Variants in GAPVD1 observed in about 807,000 individuals in gnomAD.
GAPVD1 encodes the protein GTPase activating protein and VPS9 domains 1, also known as GTPase-activating protein and VPS9 domain-containing protein 1.
In GAPVD1, 35 loss-of-function variants were observed where a neutral mutation model predicts 155.5. That is an observed-to-expected ratio of 0.23 (90% confidence interval 0.17 to 0.30). GAPVD1 has a LOEUF of 0.30. GAPVD1 is among the 10% of genes least tolerant of loss of function. The pLI, the probability that GAPVD1 is intolerant of heterozygous loss-of-function variation, is 1.00. For missense variants in GAPVD1, 1,429 were observed against 1,775.7 expected, an observed-to-expected ratio of 0.80 and a Z score of 3.51; for synonymous variants, 636 against 619.7, an observed-to-expected ratio of 1.03 and a Z score of -0.39.
chr9:125,303,418 A>C (rs1486941206), intron 5 of GAPVD1, among the ~76,000 whole-genome samples: 2 of 151,084 alleles, frequency 1.3e-5, no homozygotes, highest in Non-Finnish European at 3.0e-5. Flanking sequence ...ATCGTTTGAC[A>C]TCAGGAATTT....
chr9:125,285,158 A>G (rs989272453), intron 2 of GAPVD1, among the ~76,000 whole-genome samples: 2 of 152,214 alleles, frequency 1.3e-5, no homozygotes, highest in African/African-American at 4.8e-5. Flanking sequence ...CAGCTCTGCC[A>G]TTGTGGCATG....
intron 18 of GAPVD1, 140 bp downstream of exon 18, chr9:125,341,404 G>C (rs1467637986): frequency 1.7e-6 from 1 of 581,184 alleles, no homozygotes; most frequent in Non-Finnish European, 3.1e-6. Flanking sequence ...TGTAGAAAGT[G>C]GTTCCACTCA....
chr9:125,313,566 G>T (rs1387203474), intron 9 of GAPVD1, among the ~76,000 whole-genome samples: 1 of 152,062 alleles, frequency 6.6e-6, no homozygotes, highest in Non-Finnish European at 1.5e-5. Flanking sequence ...GCCTTCCAAA[G>T]TGTTGGGATT....
intron 25 of GAPVD1, among the ~76,000 whole-genome samples, chr9:125,357,301 G>A (rs1191189819): frequency 2.0e-5 from 3 of 152,140 alleles, no homozygotes; most frequent in African/African-American, 4.8e-5. Context: ...ACAGTTGGTC[G>A]GGCTTCATGG....
chr9:125,335,683 CA>C (rs1564422468), intron 15 of GAPVD1, among the ~76,000 whole-genome samples: 1 of 151,536 alleles, frequency 6.6e-6, no homozygotes. Flanking sequence ...CTCAAAAAAG[CA>C]AAAAATGGAC....
intron 1 of GAPVD1, among the ~76,000 whole-genome samples, chr9:125,262,379 C>T (rs1833068968): frequency 6.6e-6 from 1 of 152,164 alleles, no homozygotes; most frequent in Non-Finnish European, 1.5e-5. Context: ...GCTTGACAAG[C>T]TGGACACACG....
intron 2 of GAPVD1, among the ~76,000 whole-genome samples, chr9:125,284,874 T>C (rs528252639): frequency 1.3e-5 from 2 of 152,220 alleles, no homozygotes; most frequent in East Asian, 3.9e-4. Context: ...ACAAGAAAAA[T>C]AGTACAGTAA....
At chr9:125,295,065 A>G (rs915595786) in intron 2 of GAPVD1, among the ~76,000 whole-genome samples, 18 of 151,688 alleles carry the variant, frequency 1.2e-4, no homozygotes, top group Non-Finnish European at 1.3e-4. Flanking sequence ...ACTTTTCTCA[A>G]CTGTCAAATG....
rs1180956086 is a variant in GAPVD1, at chr9:125,348,015, T to TAG, written c.3169+1079_3169+1080dup. ...ACATTTTGCCACGTTCCGCCATATA[T>TAG]AGAGAGTGTGTGTGTGTGTATATAT... On this transcript the variant is annotated intron_variant, in intron 20 of 27. Coordinates refer to ENST00000297933, the MANE Select transcript of GAPVD1 (RefSeq NM_001282680.3). Among the ~76,000 whole-genome samples the TAG allele has an allele frequency of 3.1e-4, 47 of 152,028 alleles. No homozygotes were observed. In the South Asian group the frequency reaches 9.3e-3, roughly 30 times the overall value.
chr9:125,349,079 T>G (rs1279639761), intron 20 of GAPVD1, among the ~76,000 whole-genome samples: 1 of 152,236 alleles, frequency 6.6e-6, no homozygotes, highest in Non-Finnish European at 1.5e-5. Context: ...TCTGGTTCAG[T>G]GATTCTAAGA....
intron 27 of GAPVD1, among the ~76,000 whole-genome samples, chr9:125,362,051 G>A (rs1851005739): frequency 6.6e-6 from 1 of 152,140 alleles, no homozygotes; most frequent in South Asian, 2.1e-4. Flanking sequence ...TAGTTCCTGT[G>A]TAGAGCCAGT....
Position 125,337,460 on chromosome 9 carries a change from C to CCCAGCTGGAACCGGCGTCCAGGAA in GAPVD1, c.2747_2770dup (p.Gly923_Asn924insThrSerTrpAsnArgArgProGly). The CCCAGCTGGAACCGGCGTCCAGGAA allele has an allele frequency of 6.2e-7, 1 of 1,614,100 alleles. No homozygotes were observed. The highest frequency in any genetic ancestry group is 8.5e-7 in the Non-Finnish European group (1 of 1,180,002). ...TTCTGTCCGGAGACCCATGAGTGAC[C>CCCAGCTGGAACCGGCGTCCAGGAA]CCAGCTGGAACCGGCGTCCAGGAAA... On this transcript the variant is annotated inframe_insertion, in exon 17 of 28. Coordinates refer to ENST00000297933, the MANE Select transcript of GAPVD1 (RefSeq NM_001282680.3).
intron 19 of GAPVD1, among the ~76,000 whole-genome samples, chr9:125,344,219 A>C (rs1848219822): frequency 6.6e-6 from 1 of 152,164 alleles, no homozygotes. Context: ...CTGTGACCCT[A>C]ACTACTGTTC....
chr9:125,264,906 C>T lies in GAPVD1; in HGVS notation c.-199+2947C>T, dbSNP rs532364020. On this transcript the variant is annotated intron_variant, in intron 1 of 27. Transcript: ENST00000297933. ...CTAATTTTTGTATTTTTAGTAGAAACGGGGTTTCACCATGTTGGTCAGGCT... is the reference window on the plus strand; with the variant it reads ...CTAATTTTTGTATTTTTAGTAGAAATGGGGTTTCACCATGTTGGTCAGGCT... 3.0e-4 allele frequency among the ~76,000 whole-genome samples: 46 copies of T among 151,988 alleles called. No homozygotes were observed. In the South Asian group the frequency reaches 8.3e-3, roughly 27 times the overall value.
intron 15 of GAPVD1, among the ~76,000 whole-genome samples, chr9:125,335,543 G>A (rs1564422160): frequency 6.6e-6 from 1 of 152,020 alleles, no homozygotes; most frequent in African/African-American, 2.4e-5. Context: ...TGGGTGTGGT[G>A]GCGTGTGCCT....
intron 3 of GAPVD1, among the ~76,000 whole-genome samples, chr9:125,296,735 C>T (rs1839951422): frequency 6.7e-6 from 1 of 148,600 alleles, no homozygotes; most frequent in South Asian, 2.1e-4. Flanking sequence ...GATTTCAGCT[C>T]ACTGCAACCT....
intron 9 of GAPVD1, among the ~76,000 whole-genome samples, chr9:125,315,097 T>G (rs1194557880): frequency 6.6e-6 from 1 of 152,134 alleles, no homozygotes; most frequent in East Asian, 1.9e-4. Flanking sequence ...AGTAGCAGCT[T>G]CTTATATTCA....
chr9:125,355,692 A>G lies in GAPVD1; in HGVS notation c.3806A>G (p.Asp1269Gly). Residue 1269 changes from aspartate (D) to glycine (G), a missense_variant, in exon 25 of 28, where the codon GAT (aspartate) becomes GGT (glycine). This residue lies in a region of GAPVD1 where 699 missense variants were observed against 826.0 expected (regional missense o/e 0.85). Transcript: ENST00000297933. The part of the protein sequence containing the change: ...AADDKTAQVE[D>G]FLQFLYGAMA... Reference sequence around the variant, plus strand: ...GACGATAAAACTGCTCAGGTAGAAGATTTTCTGCAGTTTCTTTATGGTGCA... The same window carrying G: ...GACGATAAAACTGCTCAGGTAGAAGGTTTTCTGCAGTTTCTTTATGGTGCA... 1 of 1,613,920 alleles carries G rather than the reference A, an allele frequency of 6.2e-7. No homozygotes were observed. Among genetic ancestry groups the G allele is most frequent in the East Asian group, 2.2e-5 (1 of 44,888 alleles).
In GAPVD1 at chr9:125,349,494, C is replaced by T. The variant is rs1849005941; in HGVS notation, c.3274C>T (p.Pro1092Ser). The T allele has an allele frequency of 2.5e-6, 4 of 1,613,834 alleles. No individual in the cohort carries two copies. The highest frequency in any genetic ancestry group is 3.4e-6 in the Non-Finnish European group (4 of 1,179,920). ...AGACTCTGCAAGCCAAGCAGCCCACCCGCAGGATTCAGCTTTCTCTTACAG... is the reference window on the plus strand; with the variant it reads ...AGACTCTGCAAGCCAAGCAGCCCACTCGCAGGATTCAGCTTTCTCTTACAG... Reference protein sequence around the residue: ...LPDSASQAAHPQDSAFSYRDA... With the variant: ...LPDSASQAAHSQDSAFSYRDA... The change falls in exon 21 of 28, where the codon CCG becomes TCG. Residue 1092 changes from proline to serine, a missense_variant. Pro to Ser is a moderately conservative substitution (Grantham distance 74). Transcript: ENST00000297933.
Sources: allele counts gnomAD v4.1 joint callset (sites outside exome capture counted in the v4.1 genomes callset), GRCh38; gene constraint gnomAD v4.1.1; regional missense constraint gnomAD v4.1.1; transcripts MANE v1.5; gene names NCBI Gene and HGNC (gene_info 2026-07-23, HGNC 2026-07-21).